NPIPB2: variants seen among roughly 807,000 people sequenced by gnomAD.
The protein encoded by NPIPB2 is nuclear pore complex interacting protein family member B2.
Under a neutral mutation model 30.8 loss-of-function variants are expected in NPIPB2, and 27 were observed. That is an observed-to-expected ratio of 0.88 (90% CI 0.65 to 1.21). The LOEUF (loss-of-function observed/expected upper bound fraction) is 1.21, where lower values mean the gene tolerates loss of function less well. Among genes scored for constraint, NPIPB2 ranks in the 50% most tolerant of loss-of-function variants. NPIPB2 has a pLI of 0.00. For missense variants in NPIPB2, 440 were observed against 446.2 expected (o/e 0.99, Z 0.13); for synonymous variants, 147 against 162.0 (o/e 0.91, Z 0.70).
chr16:11,948,528 AGCCCGAGGCGG>A (rs1334383172), intron 1 of NPIPB2, among the ~76,000 whole-genome samples: 2 of 152,092 alleles, frequency 1.3e-5, no homozygotes, highest in African/African-American at 2.4e-5. Flanking sequence ...GCACTTTGGG[AGCCCGAGGCGG>A]ATGGATCACG....
At chr16:11,951,975 C>T (rs948445162) in intron 1 of NPIPB2, among the ~76,000 whole-genome samples, 6 of 152,116 alleles carry the variant, frequency 3.9e-5, no homozygotes, top group Middle Eastern at 3.4e-3. Context: ...CTGATTAACA[C>T]GGTGAAACCC....
chr16:11,970,505 A>G (rs1418912640), intron 1 of NPIPB2, among the ~76,000 whole-genome samples: 1 of 151,458 alleles, frequency 6.6e-6, no homozygotes, highest in African/African-American at 2.4e-5. Context: ...GGGCCACTGC[A>G]CCTGGCCTTC....
intron 1 of NPIPB2, among the ~76,000 whole-genome samples, chr16:11,974,468 G>A (rs2055255338): frequency 6.6e-6 from 1 of 152,120 alleles, no homozygotes; most frequent in Non-Finnish European, 1.5e-5. Flanking sequence ...AGTGAGCCGA[G>A]ATCGCGCCAT....
intron 1 of NPIPB2, chr16:11,965,371 G>T (rs1163765246): frequency 1.2e-6 from 2 of 1,614,182 alleles, no homozygotes; most frequent in Non-Finnish European, 1.7e-6. Flanking sequence ...TATTTTGACA[G>T]TTTGTTGCAT....
intron 1 of NPIPB2, among the ~76,000 whole-genome samples, chr16:11,975,896 G>A (rs1379643440): frequency 1.3e-5 from 2 of 151,482 alleles, no homozygotes; most frequent in Non-Finnish European, 2.9e-5. Context: ...GTCCGGCCTA[G>A]GAGCCATATC....
chr16:11,952,526 C>A (rs2055076697), intron 1 of NPIPB2, among the ~76,000 whole-genome samples: 1 of 151,466 alleles, frequency 6.6e-6, no homozygotes, highest in African/African-American at 2.4e-5. Flanking sequence ...AACCCCTACA[C>A]CCGAAACTTA....
intron 3 of NPIPB2, 32 bp downstream of exon 3, chr16:11,933,793 T>A (rs976003771): frequency 6.3e-7 from 1 of 1,592,950 alleles, no homozygotes; most frequent in Non-Finnish European, 8.5e-7. Context: ...CAAACTCATT[T>A]CCACACTATG....
chr16:11,962,826 T>C (rs184873161), intron 1 of NPIPB2, among the ~76,000 whole-genome samples: 25 of 152,206 alleles, frequency 1.6e-4, no homozygotes, highest in African/African-American at 5.8e-4. Flanking sequence ...CTCAGCACTT[T>C]GGGAGGCCAA....
At chr16:11,958,209 T>G (rs1015889749) in intron 1 of NPIPB2, among the ~76,000 whole-genome samples, 5 of 151,980 alleles carry the variant, frequency 3.3e-5, no homozygotes, top group African/African-American at 1.2e-4. Flanking sequence ...GCAGATCACC[T>G]GAGGTCAGGA....
intron 1 of NPIPB2, among the ~76,000 whole-genome samples, chr16:11,952,178 A>AAC (rs1279957712): frequency 1.5e-4 from 22 of 145,016 alleles, no homozygotes; most frequent in Non-Finnish European, 2.4e-4. Context: ...AACAAAACAA[A>AAC]AAAAAAAACA....
chr16:11,947,040 TTATA>T (rs57486204), upstream of NPIPB2, among the ~76,000 whole-genome samples: 36 of 139,812 alleles, frequency 2.6e-4, no homozygotes, highest in African/African-American at 8.8e-4. Context: ...ACTATTTGAA[TTATA>T]TATATATATA....
chr16:11,957,165 CTT>C (rs34981281), intron 1 of NPIPB2, among the ~76,000 whole-genome samples: 31 of 118,918 alleles, frequency 2.6e-4, no homozygotes, highest in South Asian at 2.8e-4. Context: ...CTAACTTTTT[CTT>C]TTTTTTTTTT....
At chr16:11,957,540 C>T (rs1372208483) in intron 1 of NPIPB2, among the ~76,000 whole-genome samples, 1 of 151,658 alleles carries the variant, frequency 6.6e-6, no homozygotes, top group Admixed American at 6.6e-5. Context: ...ATGGTCTGCC[C>T]GCCTCAGCCT....
intron 1 of NPIPB2, among the ~76,000 whole-genome samples, chr16:11,971,496 TTTC>T (rs1213736156): frequency 1.3e-5 from 2 of 150,176 alleles, no homozygotes; most frequent in East Asian, 2.0e-4. Flanking sequence ...AGAGATTTTC[TTTC>T]TTTTTTATTT....
intron 1 of NPIPB2, among the ~76,000 whole-genome samples, chr16:11,959,097 G>A (rs1421686327): frequency 6.6e-6 from 1 of 152,192 alleles, no homozygotes; most frequent in Non-Finnish European, 1.5e-5. Flanking sequence ...CAGCTTTAAT[G>A]GCTTTGGGAG....
At position 11,935,808 on chromosome 16, in the gene NPIPB2, G is replaced by A. The variant is rs1283674392; in HGVS notation, c.192+1732C>T. Among the ~76,000 whole-genome samples, 249 of 89,750 alleles carry A rather than the reference G, an allele frequency of 2.8e-3. 3 individuals are homozygous for A. The highest frequency in any genetic ancestry group is 9.6e-3 in the African/African-American group (232 of 24,082). 58.9% of individuals were successfully genotyped at this position (89,750 alleles called of 152,430 possible). A position where few individuals can be genotyped will look rare whatever the true frequency, so the allele number is the denominator to read the frequency against. ...GTAGCTGGCCCAGTTTGGAGCTAGG[G>A]GAAATTTCAAACACATGAAGAAATG... On this transcript the variant is annotated intron_variant, in intron 2 of 7. Coordinates refer to ENST00000399147, the Ensembl canonical transcript of NPIPB2.
At chr16:11,934,294 C>T (rs2054835496) in intron 2 of NPIPB2, among the ~76,000 whole-genome samples, 1 of 147,150 alleles carries the variant, frequency 6.8e-6, no homozygotes, top group African/African-American at 2.5e-5. Flanking sequence ...TGGCTCACTC[C>T]TGTAATCCCA....
chr16:11,927,669 G>T (rs2054746871), exon 8 of NPIPB2: 4 of 1,598,240 alleles, frequency 2.5e-6, no homozygotes, highest in Non-Finnish European at 3.4e-6. Flanking sequence ...CACTCGGGAG[G>T]TGTCTTGAGA....
chr16:11,967,570 G>C, intron 1 of NPIPB2: 1 of 1,609,822 alleles, frequency 6.2e-7, no homozygotes, highest in Non-Finnish European at 8.5e-7. Flanking sequence ...ACATAATTAG[G>C]ATCAGGTCTC....
Sources: allele counts gnomAD v4.1 joint callset (sites outside exome capture counted in the v4.1 genomes callset), GRCh38; gene constraint gnomAD v4.1.1; transcripts MANE v1.5; gene names NCBI Gene and HGNC (gene_info 2026-07-23, HGNC 2026-07-21).